KDM6A: variants seen among roughly 807,000 people sequenced by gnomAD.
The protein encoded by KDM6A is lysine demethylase 6A.
A neutral mutation model predicts 117.6 loss-of-function variants in KDM6A; 11 were observed. The observed-to-expected ratio is 0.09, with a 90% CI of 0.06 to 0.15. The LOEUF (loss-of-function observed/expected upper bound fraction) is 0.15, where lower values mean the gene tolerates loss of function less well. Among genes scored for constraint, KDM6A ranks in the 10% least tolerant of loss-of-function variants. The pLI, the probability that KDM6A is intolerant of heterozygous loss-of-function variation, is 1.00. For synonymous variants in KDM6A, 384 were observed against 396.1 expected (o/e 0.97, Z 0.36); for missense variants, 799 against 1,077.3 (o/e 0.74, Z 3.62).
At chrX:44,969,411 CTTTTTTT>C (rs11288771) in intron 3 of KDM6A, among the ~76,000 whole-genome samples, 9 of 35,982 alleles carry the variant, frequency 2.5e-4, no homozygotes, top group Non-Finnish European at 3.4e-4. Context: ...CTCTTTTTAT[CTTTTTTT>C]TTTTTTTTTT....
chrX:45,058,939 C>A (rs2147954329), intron 10 of KDM6A, 67 bp from the exon 11 acceptor site: 1 of 986,069 alleles, frequency 1.0e-6, no homozygotes, highest in Non-Finnish European at 1.4e-6. Context: ...ATCCTTTCAG[C>A]CGATTAATTT....
chrX:45,109,977 A>G, intron 28 of KDM6A, 102 bp from the exon 29 acceptor site: 3 of 794,217 alleles, frequency 3.8e-6, no homozygotes, highest in Non-Finnish European at 5.7e-6. Flanking sequence ...ACCAGAGATC[A>G]CTGTCCACAA....
intron 8 of KDM6A, among the ~76,000 whole-genome samples, chrX:45,041,999 C>T (rs1277811682): frequency 3.6e-5 from 4 of 110,490 alleles, no homozygotes; most frequent in African/African-American, 1.3e-4. Flanking sequence ...TCTGCAATCC[C>T]GGCACCTCGG....
rs1569532892 is a variant in KDM6A, at chrX:45,058,987, T to G, written c.876-19T>G. 3 of 1,171,234 alleles carry G rather than the reference T, an allele frequency of 2.6e-6. No homozygotes were observed. Among genetic ancestry groups the G allele is most frequent in the Non-Finnish European group, 3.5e-6 (3 of 862,727 alleles). ...ATGGAATTCTCTTGATTTTTTTTTT[T>G]TTTCCCTTCCCTTCTCAGGTGCTAT... On this transcript the variant is annotated intron_variant, in intron 10 of 29. Coordinates refer to ENST00000611820, the MANE Select transcript of KDM6A (RefSeq NM_001291415.2).
intron 2 of KDM6A, among the ~76,000 whole-genome samples, chrX:44,892,394 C>CA (rs1183122188): frequency 1.8e-5 from 2 of 110,872 alleles, no homozygotes; most frequent in Admixed American, 9.6e-5. Flanking sequence ...CTGTCTCTAC[C>CA]AAAAAAATAC....
rs1226670666 is a variant in KDM6A, at chrX:45,012,699, A to G, written c.443+1680A>G. 2.7e-5 allele frequency among the ~76,000 whole-genome samples: 3 copies of G among 111,502 alleles called. No homozygotes were observed. In the Admixed American group the frequency reaches 2.8e-4, roughly 11 times the overall value. ...ACATATGCATTGACAGTGATTTTAT[A>G]TGGTTTCCCTAAAGAGGAGGCTTTA... On this transcript the variant is annotated intron_variant, in intron 5 of 29. Transcript: ENST00000611820.
At chrX:45,074,261 T>G (rs1312651933) in intron 18 of KDM6A, among the ~76,000 whole-genome samples, 3 of 111,885 alleles carry the variant, frequency 2.7e-5, no homozygotes, top group Admixed American at 9.5e-5. Flanking sequence ...AGTACCATGC[T>G]GTTTTGGTCC....
intron 18 of KDM6A, among the ~76,000 whole-genome samples, 185 bp downstream of exon 18, chrX:45,070,542 T>C (rs1445340872): frequency 1.8e-5 from 2 of 111,575 alleles, no homozygotes; most frequent in Non-Finnish European, 3.8e-5. Flanking sequence ...GAAGTATTCC[T>C]GTAAATTGCT....
At chrX:44,972,790 T>G (rs1358648459) in intron 3 of KDM6A, among the ~76,000 whole-genome samples, 1 of 111,402 alleles carries the variant, frequency 9.0e-6, no homozygotes, top group Non-Finnish European at 1.9e-5. Context: ...AATCCCACAC[T>G]TTGGGATGCC....
intron 8 of KDM6A, among the ~76,000 whole-genome samples, chrX:45,039,237 C>T (rs1482587672): frequency 9.1e-6 from 1 of 109,975 alleles, no homozygotes; most frequent in Admixed American, 9.7e-5. Flanking sequence ...CCCCATCCCT[C>T]CTCTACCCCA....
intron 28 of KDM6A, among the ~76,000 whole-genome samples, chrX:45,109,132 T>A (rs1224336588): frequency 2.8e-4 from 25 of 90,501 alleles, no homozygotes; most frequent in East Asian, 1.7e-3. Flanking sequence ...AAAAAAATAA[T>A]AATAATAATA....
rs781540479 is a variant in KDM6A at position 45,082,765 on chromosome X, A to G, written c.3416A>G (p.Asn1139Ser). 1.3e-5 allele frequency: 15 copies of G among 1,194,167 alleles called. No individual in the cohort carries two copies. The highest frequency in any genetic ancestry group is 2.2e-5 in the Admixed American group (1 of 45,598). ...TTTAAAACCATAAAGTTTGGGACCA[A>G]TATTGACCTATCTGATGACAAAAAG... ...GPFKTIKFGT[N>S]IDLSDDKKWK... Residue 1139 changes from asparagine to serine, a missense_variant, in exon 23 of 30, where the codon AAT becomes AGT. By Grantham distance (46) the Asn-to-Ser change is conservative (BLOSUM62 1). Transcript: ENST00000611820.
intron 4 of KDM6A, among the ~76,000 whole-genome samples, chrX:45,007,796 G>C (rs958223234): frequency 8.9e-6 from 1 of 111,835 alleles, no homozygotes; most frequent in Non-Finnish European, 1.9e-5. Flanking sequence ...GACTGACCTA[G>C]TTTCAGTTCC....
At chrX:45,109,610 G>A (rs779584703) in intron 28 of KDM6A, among the ~76,000 whole-genome samples, 143 of 110,495 alleles carry the variant, frequency 1.3e-3, no homozygotes, top group Non-Finnish European at 2.3e-3. Flanking sequence ...TGAGTCATTA[G>A]GAGATCAGAT....
chrX:45,081,545 T>C (rs2045403436), intron 21 of KDM6A, among the ~76,000 whole-genome samples: 1 of 111,882 alleles, frequency 8.9e-6, no homozygotes, highest in Admixed American at 9.5e-5. Flanking sequence ...GAATAAAAAG[T>C]ATCTTATCTT....
At chrX:45,050,889 A>G (rs945139636) in intron 8 of KDM6A, among the ~76,000 whole-genome samples, 16 of 111,650 alleles carry the variant, frequency 1.4e-4, no homozygotes, top group Non-Finnish European at 2.8e-4. Context: ...CTTTAAAATC[A>G]TATGTATTAT....
intron 3 of KDM6A, among the ~76,000 whole-genome samples, chrX:44,965,807 C>CCGAT (rs2147203950): frequency 1.8e-5 from 2 of 112,011 alleles, no homozygotes; most frequent in East Asian, 5.7e-4. Flanking sequence ...AAAAATGACA[C>CCGAT]CGATAGACTT....
At chrX:45,018,491 C>T (rs1001848600) in intron 5 of KDM6A, among the ~76,000 whole-genome samples, 1 of 111,135 alleles carries the variant, frequency 9.0e-6, no homozygotes, top group African/African-American at 3.3e-5. Flanking sequence ...TGTTTCTTTG[C>T]GCCCGTGTGA....
At position 45,060,669 on chromosome X, in the gene KDM6A, T is replaced by G. The variant is rs1424665978; in HGVS notation, c.1390T>G (p.Ser464Ala). 8 of 1,070,375 alleles carry G rather than the reference T, an allele frequency of 7.5e-6. No homozygotes were observed. The highest frequency in any genetic ancestry group is 9.9e-6 in the Non-Finnish European group (8 of 810,328). The allele number at this position is 1,070,375 out of a possible 1,213,427, so 88.2% of individuals were successfully genotyped here. A position where few individuals can be genotyped will look rare whatever the true frequency, so the allele number is the denominator to read the frequency against. The change falls in exon 14 of 30, where the codon TCA becomes GCA. Residue 464 changes from serine to alanine, a missense_variant. Transcript: ENST00000611820. ...PVLGLSQTPI[S>A]QQSLPLHMIP... ...ATTAGGCCTCAGTCAAACACCAATT[T>G]CACAGCAATCCTTGCCACTACACAT...
Sources: allele counts gnomAD v4.1 joint callset (sites outside exome capture counted in the v4.1 genomes callset), GRCh38; gene constraint gnomAD v4.1.1; transcripts MANE v1.5; gene names NCBI Gene and HGNC (gene_info 2026-07-23, HGNC 2026-07-21).